The following CASC3 variants were observed in gnomAD, a reference collection of about 807,000 sequenced individuals.
The protein encoded by CASC3 is CASC3 exon junction complex subunit.
A neutral mutation model predicts 80.5 loss-of-function variants in CASC3; 30 were observed. The observed-to-expected ratio is 0.37, with a 90% CI of 0.28 to 0.51. The LOEUF (loss-of-function observed/expected upper bound fraction) is 0.51, where lower values mean the gene tolerates loss of function less well. CASC3 is among the 20% of genes least tolerant of loss of function. CASC3 has a pLI of 0.94. For synonymous variants in CASC3, 312 were observed against 333.6 expected, an observed-to-expected ratio of 0.94 and a Z score of 0.70; for missense variants, 824 against 922.2, an observed-to-expected ratio of 0.89 and a Z score of 1.38.
In CASC3 at chr17:40,167,565, C is replaced by T; in HGVS notation, c.1604C>T (p.Ala535Val). The T allele has an allele frequency of 6.2e-7, 1 of 1,614,038 alleles. No homozygotes were observed. Among genetic ancestry groups the T allele is most frequent in the Non-Finnish European group, 8.5e-7 (1 of 1,179,948 alleles). The change falls in exon 9 of 14, where the codon GCC becomes GTC. Residue 535 changes from alanine (A) to valine (V), a missense_variant. Ala to Val is a moderately conservative substitution (Grantham distance 64, BLOSUM62 0). Coordinates refer to ENST00000264645, the MANE Select transcript of CASC3 (RefSeq NM_007359.5). ...CAAAGACCTGTGCCAGAGCCCCCCGCCCCTCCAGTGCATATCAGTATCATG... is the reference window on the plus strand; with the variant it reads ...CAAAGACCTGTGCCAGAGCCCCCCGTCCCTCCAGTGCATATCAGTATCATG... ...QRQRPVPEPPAPPVHISIMEG... is the reference protein window; with the variant it reads ...QRQRPVPEPPVPPVHISIMEG...
intron 3 of CASC3, among the ~76,000 whole-genome samples, chr17:40,158,317 C>T (rs1252277499): frequency 6.6e-6 from 1 of 152,166 alleles, no homozygotes; most frequent in Admixed American, 6.5e-5. Context: ...AGTGACAGGG[C>T]AGTCTGGTTC....
In CASC3 at chr17:40,141,600, A is replaced by G. The variant is rs765673382; in HGVS notation, c.290A>G (p.Asp97Gly). 6.2e-7 allele frequency: 1 copy of G among 1,613,334 alleles called. No individual in the cohort carries two copies. The highest frequency in any genetic ancestry group is 8.5e-7 in the Non-Finnish European group (1 of 1,179,534). Residue 97 changes from aspartate to glycine, a missense_variant, in exon 3 of 14, where the codon GAC becomes GGC. By Grantham distance (94) the Asp-to-Gly change is moderately conservative. Coordinates refer to ENST00000264645, the MANE Select transcript of CASC3 (RefSeq NM_007359.5). Reference sequence around the variant, plus strand: ...CTCTCGGATTATGAAAGTGCAGAAGACTCGGAAGTGAGTATGACAGGTTTT... The same window carrying G: ...CTCTCGGATTATGAAAGTGCAGAAGGCTCGGAAGTGAGTATGACAGGTTTT... ...AVLSDYESAE[D>G]SEGEEGEYSE...
chr17:40,149,548 AAAAAG>A (rs1455957757), intron 3 of CASC3, among the ~76,000 whole-genome samples: 1 of 150,836 alleles, frequency 6.6e-6, no homozygotes, highest in Non-Finnish European at 1.5e-5. Context: ...AAAGATTGAA[AAAAAG>A]AAAAGAAAGG....
At chr17:40,164,510 C>T (rs989225739) in intron 7 of CASC3, among the ~76,000 whole-genome samples, 8 of 151,470 alleles carry the variant, frequency 5.3e-5, no homozygotes, top group Non-Finnish European at 7.4e-5. Context: ...TGCAGTGGCA[C>T]GATCTCGGCT....
intron 3 of CASC3, among the ~76,000 whole-genome samples, chr17:40,153,067 G>A (rs1004328755): frequency 3.9e-5 from 6 of 152,066 alleles, no homozygotes; most frequent in African/African-American, 1.4e-4. Flanking sequence ...GAGCCACCAC[G>A]CCCAACCAGT....
rs1989567521 is a variant in CASC3 at position 40,170,536 on chromosome 17, C to T, written c.*131C>T. On this transcript the variant is annotated 3_prime_UTR_variant, in exon 14 of 14. Coordinates refer to ENST00000264645, the MANE Select transcript of CASC3 (RefSeq NM_007359.5). ...AGATATAGGGTGTGGCTCCTACCAG[C>T]AAACAGCTGAAAGAGGAGGACCCCT... 6.1e-6 allele frequency: 6 copies of T among 985,446 alleles called. No homozygotes were observed. Among genetic ancestry groups the T allele is most frequent in the Non-Finnish European group, 7.2e-6 (6 of 829,974 alleles). 61.0% of individuals were successfully genotyped at this position (985,446 alleles called of 1,614,324 possible).
chr17:40,148,297 C>T (rs1004969220), intron 3 of CASC3, among the ~76,000 whole-genome samples: 4 of 152,012 alleles, frequency 2.6e-5, no homozygotes, highest in African/African-American at 9.7e-5. Context: ...TAGGAACTCC[C>T]TTCTAGGGAC....
intron 11 of CASC3, chr17:40,168,711 C>T (rs1989517010): frequency 1.1e-5 from 4 of 359,618 alleles, no homozygotes; most frequent in Admixed American, 4.3e-5. Flanking sequence ...CTGCCTCAGC[C>T]TCCCGAGTAG....
chr17:40,153,606 C>T (rs755237897), intron 3 of CASC3, among the ~76,000 whole-genome samples: 11 of 152,132 alleles, frequency 7.2e-5, no homozygotes, highest in Non-Finnish European at 1.5e-4. Context: ...CACCATTTTA[C>T]GTGACTAGCA....
intron 3 of CASC3, among the ~76,000 whole-genome samples, chr17:40,147,700 GTGT>G (rs1316774473): frequency 6.6e-6 from 1 of 152,104 alleles, no homozygotes; most frequent in Non-Finnish European, 1.5e-5. Context: ...GTGTTGAATG[GTGT>G]TAACTGTTAA....
intron 3 of CASC3, among the ~76,000 whole-genome samples, chr17:40,146,195 A>G (rs1181571997): frequency 6.6e-6 from 1 of 152,176 alleles, no homozygotes; most frequent in Non-Finnish European, 1.5e-5. Context: ...CTAGTTAAGT[A>G]GTGAGTGTGG....
intron 3 of CASC3, among the ~76,000 whole-genome samples, chr17:40,144,533 C>G (rs1037601779): frequency 6.6e-6 from 1 of 150,750 alleles, no homozygotes; most frequent in South Asian, 2.1e-4. Flanking sequence ...GTAGTAGAGA[C>G]GGGGTTTTAC....
At position 40,172,165 on chromosome 17, in the gene CASC3, A is replaced by G. The variant is rs1295975283; in HGVS notation, c.*1760A>G. ...TTGGAGATAATAAAATTTAGACTAT[A>G]AACTTGGCTCCCTTGCCAGTGTTTT... On this transcript the variant is annotated 3_prime_UTR_variant, in exon 14 of 14. Coordinates refer to ENST00000264645, the MANE Select transcript of CASC3 (RefSeq NM_007359.5). The G allele has an allele frequency of 3.1e-6, 4 of 1,289,738 alleles. No homozygotes were observed. The highest frequency in any genetic ancestry group is 2.3e-5 in the Admixed American group (1 of 43,538). The allele number at this position is 1,289,738 out of a possible 1,614,324, so 79.9% of individuals were successfully genotyped here. A position where few individuals can be genotyped will look rare whatever the true frequency, so the allele number is the denominator to read the frequency against.
intron 3 of CASC3, among the ~76,000 whole-genome samples, chr17:40,150,744 A>T (rs1032118241): frequency 6.6e-6 from 1 of 150,660 alleles, no homozygotes; most frequent in Non-Finnish European, 1.5e-5. Context: ...CAAGGCGCCG[A>T]GGCTCATGCC....
chr17:40,155,343 G>C (rs935365377), intron 3 of CASC3, among the ~76,000 whole-genome samples: 3 of 151,668 alleles, frequency 2.0e-5, no homozygotes, highest in African/African-American at 7.3e-5. Flanking sequence ...TGCAACCTCT[G>C]TCTCCTGGGT....
rs1193257872 is a variant in CASC3, at chr17:40,145,783, T to C, written c.297+4176T>C. On this transcript the variant is annotated intron_variant, in intron 3 of 13. Coordinates refer to ENST00000264645, the MANE Select transcript of CASC3 (RefSeq NM_007359.5). Reference sequence around the variant, plus strand: ...TTTTTTAAAAATTTTTATTTACTGTTTTTTGTTTGTTTGTTTTTTTAATTT... The same window carrying C: ...TTTTTTAAAAATTTTTATTTACTGTCTTTTGTTTGTTTGTTTTTTTAATTT... 2.0e-5 allele frequency among the ~76,000 whole-genome samples: 3 copies of C among 152,022 alleles called. No homozygotes were observed. The East Asian group carries it at 5.8e-4, about 29-fold the overall frequency.
At chr17:40,154,376 G>C (rs1185543116) in intron 3 of CASC3, among the ~76,000 whole-genome samples, 1 of 151,932 alleles carries the variant, frequency 6.6e-6, no homozygotes, top group East Asian at 1.9e-4. Flanking sequence ...TGGGATTACA[G>C]GTGTGCGCTG....
rs558531083 is a variant in CASC3, at chr17:40,163,000, T to C, written c.785+99T>C. On this transcript the variant is annotated intron_variant, in intron 6 of 13. Coordinates refer to ENST00000264645, the MANE Select transcript of CASC3 (RefSeq NM_007359.5). ...CTTTGGGAGGCTGAGGCAGGAGGAT[T>C]GCTTGAGGCCAGGAGTTCAAGACCA... 1.3e-4 allele frequency: 133 copies of C among 1,017,564 alleles called. No homozygotes were observed. In the African/African-American group the frequency reaches 1.9e-3, roughly 15 times the overall value. 63.0% of individuals were successfully genotyped at this position (1,017,564 alleles called of 1,614,324 possible).
chr17:40,169,305 C>T lies in CASC3; in HGVS notation c.1966-19C>T. The T allele has an allele frequency of 6.6e-7, 1 of 1,521,130 alleles. No homozygotes were observed. 94.2% of individuals were successfully genotyped at this position (1,521,130 alleles called of 1,614,324 possible). A position where few individuals can be genotyped will look rare whatever the true frequency, so the allele number is the denominator to read the frequency against. ...AATTCATTCCTAACTTTTTCTTCTC[C>T]TGGCTTGTGGGGTCCCAGGCCCCAT... On this transcript the variant is annotated intron_variant, in intron 11 of 13. Coordinates refer to ENST00000264645, the MANE Select transcript of CASC3 (RefSeq NM_007359.5).
Sources: allele counts gnomAD v4.1 joint callset (sites outside exome capture counted in the v4.1 genomes callset), GRCh38; gene constraint gnomAD v4.1.1; transcripts MANE v1.5; gene names NCBI Gene and HGNC (gene_info 2026-07-23, HGNC 2026-07-21).